Variants in ATP2B2 observed in about 807,000 individuals in gnomAD.
ATP2B2 encodes plasma membrane calcium-transporting ATPase 2.
Under a neutral mutation model 120.0 loss-of-function variants are expected in ATP2B2, and 15 were observed. That is an observed-to-expected ratio of 0.12 (90% CI 0.08 to 0.19). The LOEUF (loss-of-function observed/expected upper bound fraction) is 0.19. Ranked by LOEUF, ATP2B2 falls within the 10% of genes least tolerant of loss-of-function variation. ATP2B2 has a pLI of 1.00. For synonymous variants in ATP2B2, 694 were observed against 700.3 expected (o/e 0.99, Z 0.14); for missense variants, 1,045 against 1,719.8 (o/e 0.61, Z 6.94).
intron 12 of ATP2B2, among the ~76,000 whole-genome samples, chr3:10,366,308 AC>A (rs2061055761): frequency 6.6e-6 from 1 of 152,124 alleles, no homozygotes; most frequent in Admixed American, 6.5e-5. Context: ...GAAATACAGC[AC>A]AGCCAACCCT....
chr3:10,636,924 T>C (rs1483174508), intron 1 of ATP2B2, among the ~76,000 whole-genome samples: 2 of 152,138 alleles, frequency 1.3e-5, no homozygotes, highest in African/African-American at 4.8e-5. Context: ...TGTGAGAAAC[T>C]TACCCAAGTC....
chr3:10,577,818 A>G (rs1294292844), intron 2 of ATP2B2, among the ~76,000 whole-genome samples: 1 of 152,246 alleles, frequency 6.6e-6, no homozygotes, highest in Non-Finnish European at 1.5e-5. Context: ...GCACTGTGCC[A>G]GAGGAGGATG....
intron 1 of ATP2B2, among the ~76,000 whole-genome samples, chr3:10,675,678 C>A (rs1332066971): frequency 6.6e-6 from 1 of 152,144 alleles, no homozygotes; most frequent in East Asian, 1.9e-4. Context: ...TTGGCCTTGA[C>A]CCTGAGCTGG....
chr3:10,510,958 C>A (rs1224479954), intron 3 of ATP2B2, among the ~76,000 whole-genome samples: 4 of 152,148 alleles, frequency 2.6e-5, no homozygotes, highest in African/African-American at 9.7e-5. Flanking sequence ...TGGGGAGCTG[C>A]CTACATTCCT....
chr3:10,365,277 A>G (rs1029684133), intron 12 of ATP2B2, among the ~76,000 whole-genome samples: 1 of 152,242 alleles, frequency 6.6e-6, no homozygotes, highest in African/African-American at 2.4e-5. Context: ...CCAATGCCAT[A>G]GGGCCTCCAG....
chr3:10,610,963 G>A (rs1216460725), intron 2 of ATP2B2, among the ~76,000 whole-genome samples: 1 of 152,164 alleles, frequency 6.6e-6, no homozygotes, highest in Non-Finnish European at 1.5e-5. Flanking sequence ...CTGCCCGGCT[G>A]GGCTCGCTGA....
intron 3 of ATP2B2, among the ~76,000 whole-genome samples, chr3:10,531,204 C>A (rs1483186484): frequency 6.6e-6 from 1 of 152,186 alleles, no homozygotes; most frequent in African/African-American, 2.4e-5. Flanking sequence ...GGCACACACT[C>A]CCTCCCCTCG....
chr3:10,482,119 T>C (rs1344706340), intron 1 of ATP2B2, among the ~76,000 whole-genome samples: 2 of 152,192 alleles, frequency 1.3e-5, no homozygotes, highest in African/African-American at 4.8e-5. Context: ...CAGCTCAGTG[T>C]TGGTGCGCGG....
At chr3:10,430,583 C>A (rs1314703565) in intron 2 of ATP2B2, among the ~76,000 whole-genome samples, 1 of 152,040 alleles carries the variant, frequency 6.6e-6, no homozygotes, top group Non-Finnish European at 1.5e-5. Flanking sequence ...GAGATTGCAG[C>A]AATTCACTCA....
intron 2 of ATP2B2, among the ~76,000 whole-genome samples, chr3:10,618,594 C>A (rs1434499248): frequency 6.6e-6 from 1 of 152,144 alleles, no homozygotes; most frequent in Admixed American, 6.5e-5. Context: ...TTCGCCCCTG[C>A]CAGCTCTTTA....
chr3:10,656,262 G>A (rs183393919), intron 1 of ATP2B2, among the ~76,000 whole-genome samples: 5 of 152,260 alleles, frequency 3.3e-5, no homozygotes, highest in African/African-American at 9.6e-5. Context: ...CCACTTCATC[G>A]CATCATTTCT....
intron 1 of ATP2B2, among the ~76,000 whole-genome samples, chr3:10,660,634 A>G (rs2070755327): frequency 6.6e-6 from 1 of 152,252 alleles, no homozygotes; most frequent in Non-Finnish European, 1.5e-5. Context: ...AAAGTCCAGG[A>G]CCAGACGGAT....
rs372119716 is a variant in ATP2B2 at position 10,692,955 on chromosome 3, T to A, written c.-460+14960A>T. Among the ~76,000 whole-genome samples the A allele has an allele frequency of 1.7e-4, 26 of 152,292 alleles. 1 individual carries two copies. The South Asian group carries it at 4.8e-3, about 28-fold the overall frequency. On this transcript the variant is annotated intron_variant, in intron 1 of 21. Coordinates refer to the ATP2B2 transcript ENST00000646379. ...GGATCCTGCAACAGGCTCTTCTGCT[T>A]CCAGTCACCTGTCATTGTGTGCCTA...
intron 2 of ATP2B2, among the ~76,000 whole-genome samples, chr3:10,585,726 T>G (rs1356867699): frequency 6.6e-6 from 1 of 152,112 alleles, no homozygotes; most frequent in African/African-American, 2.4e-5. Flanking sequence ...TACCTCCCTC[T>G]GTGATTCAGA....
chr3:10,580,519 C>A (rs1420216458), intron 2 of ATP2B2, among the ~76,000 whole-genome samples: 1 of 152,174 alleles, frequency 6.6e-6, no homozygotes, highest in African/African-American at 2.4e-5. Context: ...CAACCGACAC[C>A]TCCGGCCCTT....
At chr3:10,632,595 TGGA>T (rs1190524654) in intron 1 of ATP2B2, among the ~76,000 whole-genome samples, 1 of 152,190 alleles carries the variant, frequency 6.6e-6, no homozygotes, top group Non-Finnish European at 1.5e-5. Context: ...GAGTAAACAT[TGGA>T]GGAGGAGTTG....
chr3:10,370,627 A>C (rs975844979), intron 12 of ATP2B2, among the ~76,000 whole-genome samples: 5 of 152,150 alleles, frequency 3.3e-5, no homozygotes, highest in Admixed American at 1.3e-4. Flanking sequence ...TCCTTCCCCT[A>C]CCAGCCCTTG....
At chr3:10,420,575 T>C (rs1055777494) in intron 2 of ATP2B2, among the ~76,000 whole-genome samples, 3 of 152,200 alleles carry the variant, frequency 2.0e-5, no homozygotes, top group African/African-American at 7.2e-5. Context: ...TTGGCCATGC[T>C]GGTCTAGAAC....
At chr3:10,392,427 C>G (rs1051025326) in intron 5 of ATP2B2, among the ~76,000 whole-genome samples, 1 of 152,164 alleles carries the variant, frequency 6.6e-6, no homozygotes, top group Non-Finnish European at 1.5e-5. Context: ...TTCCCTAGAC[C>G]GTTCCCCTTC....
Sources: gnomAD v4.1 joint callset for allele counts (sites outside exome capture counted in the v4.1 genomes callset) on GRCh38, gnomAD v4.1.1 for gene constraint, MANE v1.5 for transcripts, NCBI Gene and HGNC (gene_info 2026-07-23, HGNC 2026-07-21) for gene names.